The following CTNNA2 variants were observed in gnomAD, a reference collection of about 807,000 sequenced individuals.
CTNNA2 encodes the protein catenin alpha-2.
CTNNA2 carries 42 observed loss-of-function variants against 101.0 expected under a neutral mutation model. That is an observed-to-expected ratio of 0.42 (90% CI 0.32 to 0.54). CTNNA2 has a LOEUF of 0.54. Among genes scored for constraint, CTNNA2 ranks in the 20% least tolerant of loss-of-function variants. The probability of loss-of-function intolerance (pLI) is 0.14; values close to 1 mark genes in which losing one functional copy is unlikely to be tolerated. For synonymous variants in CTNNA2, 450 were observed against 456.4 expected (o/e 0.99, Z 0.18); for missense variants, 871 against 1,223.1 (o/e 0.71, Z 4.29).
chr2:79,757,938 C>T (rs73941304), intron 3 of CTNNA2, among the ~76,000 whole-genome samples: 3,500 of 152,238 alleles, frequency 0.023, 34 homozygotes, highest in South Asian at 0.04. Context: ...ACCTGGTGGA[C>T]GTTGTCTTTA....
intron 2 of CTNNA2, among the ~76,000 whole-genome samples, chr2:79,691,860 A>G (rs1684325982): frequency 6.6e-6 from 1 of 152,188 alleles, no homozygotes; most frequent in Non-Finnish European, 1.5e-5. Flanking sequence ...TACACCTTAT[A>G]CAAAAATTAA....
At chr2:79,267,379 C>T (rs1246741925) in intron 2 of CTNNA2, among the ~76,000 whole-genome samples, 2 of 152,032 alleles carry the variant, frequency 1.3e-5, no homozygotes, top group Middle Eastern at 3.2e-3. Flanking sequence ...TACCTTTGCA[C>T]CATATTCTCA....
intron 4 of CTNNA2, among the ~76,000 whole-genome samples, chr2:79,399,623 G>A (rs1214362328): frequency 6.6e-6 from 1 of 152,016 alleles, no homozygotes; most frequent in Non-Finnish European, 1.5e-5. Flanking sequence ...ACAAGCCCAG[G>A]TGTGTGGGGG....
At chr2:79,483,978 C>T (rs936679637) in intron 4 of CTNNA2, among the ~76,000 whole-genome samples, 1 of 152,066 alleles carries the variant, frequency 6.6e-6, no homozygotes, top group African/African-American at 2.4e-5. Flanking sequence ...GGGACTTCTG[C>T]GTTTAAAAAT....
intron 11 of CTNNA2, among the ~76,000 whole-genome samples, chr2:80,552,656 T>A (rs1440450414): frequency 6.6e-6 from 1 of 152,198 alleles, no homozygotes; most frequent in African/African-American, 2.4e-5. Context: ...ACCTAGATGG[T>A]ATTGCTTACT....
intron 2 of CTNNA2, among the ~76,000 whole-genome samples, chr2:79,732,201 G>A (rs1687242816): frequency 6.6e-6 from 1 of 152,034 alleles, no homozygotes; most frequent in South Asian, 2.1e-4. Flanking sequence ...CTTCAGATTT[G>A]TGATGTTTGT....
At chr2:80,633,228 T>C (rs1672482331) in intron 18 of CTNNA2, among the ~76,000 whole-genome samples, 2 of 152,214 alleles carry the variant, frequency 1.3e-5, no homozygotes, top group African/African-American at 4.8e-5. Context: ...AGTTTTTAAA[T>C]TTTTTGATAA....
At chr2:80,156,208 C>T (rs1444757183) in intron 7 of CTNNA2, among the ~76,000 whole-genome samples, 1 of 152,190 alleles carries the variant, frequency 6.6e-6, no homozygotes, top group African/African-American at 2.4e-5. Flanking sequence ...TTTGGCTAAT[C>T]TTCCAAATCT....
intron 3 of CTNNA2, among the ~76,000 whole-genome samples, chr2:79,812,311 C>T (rs1350682971): frequency 6.6e-6 from 1 of 152,060 alleles, no homozygotes; most frequent in Non-Finnish European, 1.5e-5. Context: ...TTACCTTGTT[C>T]CTGATATTAG....
intron 7 of CTNNA2, among the ~76,000 whole-genome samples, chr2:80,113,319 C>T (rs77375607): frequency 7.2e-5 from 11 of 152,204 alleles, no homozygotes; most frequent in East Asian, 5.8e-4. Context: ...TTTTTAAATG[C>T]GTTAATCACA....
At chr2:79,735,396 G>A (rs1168130373) in intron 2 of CTNNA2, among the ~76,000 whole-genome samples, 1 of 152,092 alleles carries the variant, frequency 6.6e-6, no homozygotes, top group Non-Finnish European at 1.5e-5. Flanking sequence ...CCGACAACAT[G>A]AAAGGATGAT....
chr2:79,661,305 A>G (rs904803138), intron 2 of CTNNA2, among the ~76,000 whole-genome samples: 2 of 152,212 alleles, frequency 1.3e-5, no homozygotes, highest in African/African-American at 2.4e-5. Context: ...AGCTAACTAT[A>G]TTAACATTGA....
chr2:80,235,932 G>T (rs1248349135), intron 7 of CTNNA2, among the ~76,000 whole-genome samples: 1 of 152,136 alleles, frequency 6.6e-6, no homozygotes, highest in Non-Finnish European at 1.5e-5. Flanking sequence ...GTACTCAATA[G>T]TTATTTTGTC....
At chr2:80,176,049 G>A (rs1705374980) in intron 7 of CTNNA2, among the ~76,000 whole-genome samples, 1 of 152,138 alleles carries the variant, frequency 6.6e-6, no homozygotes, top group African/African-American at 2.4e-5. Context: ...TGACTCAAAT[G>A]TTAATCCCCT....
At chr2:80,093,439 A>G (rs1411508590) in intron 7 of CTNNA2, among the ~76,000 whole-genome samples, 3 of 152,114 alleles carry the variant, frequency 2.0e-5, no homozygotes, top group Non-Finnish European at 4.4e-5. Flanking sequence ...AGTCTTTGCT[A>G]TTGTGAATAG....
At chr2:79,979,148 G>T (rs1014447503) in intron 7 of CTNNA2, among the ~76,000 whole-genome samples, 1 of 152,270 alleles carries the variant, frequency 6.6e-6, no homozygotes, top group East Asian at 1.9e-4. Flanking sequence ...AGACTCCAGA[G>T]GCTAAGGTGG....
intron 9 of CTNNA2, among the ~76,000 whole-genome samples, chr2:80,501,618 A>T (rs1687888444): frequency 6.6e-6 from 1 of 152,224 alleles, no homozygotes; most frequent in Non-Finnish European, 1.5e-5. Context: ...TGGGTTCATC[A>T]TGAAACAGTG....
intron 3 of CTNNA2, among the ~76,000 whole-genome samples, chr2:79,751,059 AGGAGTTGT>A (rs1479095408): frequency 6.6e-6 from 1 of 152,152 alleles, no homozygotes; most frequent in African/African-American, 2.4e-5. Flanking sequence ...TAAATATTTC[AGGAGTTGT>A]GGAAAAAAAG....
intron 7 of CTNNA2, among the ~76,000 whole-genome samples, chr2:80,372,144 T>A (rs185775806): frequency 9.9e-5 from 15 of 152,246 alleles, no homozygotes; most frequent in South Asian, 2.1e-4. Flanking sequence ...GTGAGATGAT[T>A]GGATTTATGG....
Sources: gnomAD v4.1 joint callset for allele counts (sites outside exome capture counted in the v4.1 genomes callset) on GRCh38, gnomAD v4.1.1 for gene constraint, MANE v1.5 for transcripts, NCBI Gene and HGNC (gene_info 2026-07-23, HGNC 2026-07-21) for gene names.